Variants in EIF2B3 observed in about 807,000 individuals in gnomAD.
EIF2B3 encodes eukaryotic translation initiation factor 2B subunit gamma, also known as translation initiation factor eIF2B subunit gamma.
In EIF2B3, 20 loss-of-function variants were observed where a neutral mutation model predicts 54.1. That is an observed-to-expected ratio of 0.37 (90% CI 0.26 to 0.54). The LOEUF is 0.54. EIF2B3 is among the 20% of genes least tolerant of loss of function. The probability of loss-of-function intolerance (pLI) is 0.86; values close to 1 mark genes in which losing one functional copy is unlikely to be tolerated. For missense variants in EIF2B3, 448 were observed against 547.8 expected (o/e 0.82, Z 1.82); for synonymous variants, 153 against 188.1 (o/e 0.81, Z 1.52).
chr1:44,879,837 T>A lies in EIF2B3; in HGVS notation c.956A>T (p.Tyr319Phe). 6.2e-7 allele frequency: 1 copy of A among 1,614,056 alleles called. No individual in the cohort carries two copies. The highest frequency in any genetic ancestry group is 8.5e-7 in the Non-Finnish European group (1 of 1,180,034). The change falls in exon 8 of 12, where the codon TAC (tyrosine) becomes TTC (phenylalanine). Residue 319 changes from tyrosine (Y) to phenylalanine (F), a missense_variant. By Grantham distance (22) the Tyr-to-Phe change is conservative (BLOSUM62 3). Coordinates refer to ENST00000360403, the MANE Select transcript of EIF2B3 (RefSeq NM_020365.5). ...LCSRVSTLGL[Y>F]MEANRQVPKL... Reference sequence around the variant, plus strand: ...TCTCACCTGTCTGTTTGCTTCCATGTAGAGTCCCAGTGTGCTCACTCGAGA... The same window carrying A: ...TCTCACCTGTCTGTTTGCTTCCATGAAGAGTCCCAGTGTGCTCACTCGAGA...
chr1:44,898,210 T>C (rs1463613075), intron 5 of EIF2B3, among the ~76,000 whole-genome samples: 1 of 152,178 alleles, frequency 6.6e-6, no homozygotes, highest in African/African-American at 2.4e-5. Context: ...AACTTGCTAC[T>C]CTTATTTATT....
chr1:44,965,180 T>C (rs1191490044), intron 3 of EIF2B3, among the ~76,000 whole-genome samples: 1 of 152,212 alleles, frequency 6.6e-6, no homozygotes, highest in Non-Finnish European at 1.5e-5. Context: ...AAGCAATAGC[T>C]GCACACCTGC....
chr1:44,946,678 G>C (rs1644106409), intron 3 of EIF2B3, among the ~76,000 whole-genome samples: 1 of 149,748 alleles, frequency 6.7e-6, no homozygotes, highest in African/African-American at 2.5e-5. Context: ...GCCAGGGCTG[G>C]TCTCAAACTC....
intron 2 of EIF2B3, among the ~76,000 whole-genome samples, chr1:44,979,370 T>A (rs959056473): frequency 1.1e-4 from 15 of 142,760 alleles, no homozygotes; most frequent in Non-Finnish European, 1.5e-5. Flanking sequence ...AAAATACAAA[T>A]GGGAAGAAAT....
At chr1:44,871,331 C>A (rs1289247188) in intron 10 of EIF2B3, among the ~76,000 whole-genome samples, 1 of 152,210 alleles carries the variant, frequency 6.6e-6, no homozygotes, top group Non-Finnish European at 1.5e-5. Flanking sequence ...ATTTCAATGG[C>A]CTTCCTGCCT....
At chr1:44,945,452 G>A (rs1190687173) in intron 3 of EIF2B3, among the ~76,000 whole-genome samples, 2 of 151,800 alleles carry the variant, frequency 1.3e-5, no homozygotes, top group Admixed American at 1.3e-4. Context: ...TACTCGGGAG[G>A]CTGAGGCAGG....
At chr1:44,864,352 G>T (rs1654704499) in intron 10 of EIF2B3, among the ~76,000 whole-genome samples, 1 of 152,054 alleles carries the variant, frequency 6.6e-6, no homozygotes. Context: ...ATCACCTGTG[G>T]TCAGGAGTTC....
chr1:44,915,433 T>G (rs1643602470), intron 5 of EIF2B3, among the ~76,000 whole-genome samples: 2 of 152,058 alleles, frequency 1.3e-5, no homozygotes, highest in Non-Finnish European at 2.9e-5. Context: ...ATGATGAAAG[T>G]TCACTGCAGC....
At chr1:44,969,851 G>C (rs1427602481) in intron 3 of EIF2B3, 1 of 152,148 alleles carries the variant, frequency 6.6e-6, no homozygotes, top group Non-Finnish European at 1.5e-5. Context: ...TTTACTAAAT[G>C]AATGAGTTTA....
chr1:44,953,343 T>C (rs12740561), intron 3 of EIF2B3, among the ~76,000 whole-genome samples: 33,610 of 151,990 alleles, frequency 0.22, 4,049 homozygotes, highest in Admixed American at 0.32. Context: ...CTTCATATCA[T>C]AATTTCTCAA....
chr1:44,947,883 T>A (rs1310746125), intron 3 of EIF2B3, among the ~76,000 whole-genome samples: 1 of 152,096 alleles, frequency 6.6e-6, no homozygotes. Context: ...TTCTTTTCTT[T>A]TTTTTTAGAC....
intron 3 of EIF2B3, among the ~76,000 whole-genome samples, chr1:44,968,630 G>A (rs1292090236): frequency 6.6e-6 from 1 of 152,184 alleles, no homozygotes; most frequent in Non-Finnish European, 1.5e-5. Context: ...CCGGTGCAGT[G>A]GCTCACGCCT....
chr1:44,912,970 T>C (rs144021546), intron 5 of EIF2B3, among the ~76,000 whole-genome samples: 14 of 152,220 alleles, frequency 9.2e-5, no homozygotes, highest in African/African-American at 3.4e-4. Flanking sequence ...CTAGATACAT[T>C]GAACAAAACC....
intron 10 of EIF2B3, among the ~76,000 whole-genome samples, chr1:44,869,241 G>C (rs1005611658): frequency 6.6e-6 from 1 of 152,098 alleles, no homozygotes; most frequent in African/African-American, 2.4e-5. Flanking sequence ...ACTTTGGGAG[G>C]CTGAGACAGG....
chr1:44,981,213 AC>A (rs1360007766), intron 1 of EIF2B3, 36 bp from the exon 2 acceptor site: 20 of 1,610,714 alleles, frequency 1.2e-5, no homozygotes, highest in East Asian at 2.2e-5. Flanking sequence ...CAGAAAAAAA[AC>A]AATGTAACAA....
intron 5 of EIF2B3, among the ~76,000 whole-genome samples, chr1:44,899,897 T>G (rs1319072520): frequency 6.6e-6 from 1 of 152,140 alleles, no homozygotes; most frequent in African/African-American, 2.4e-5. Context: ...TTCATCACAG[T>G]ACTAGTCACA....
chr1:44,962,678 G>A (rs1362609429), intron 3 of EIF2B3, among the ~76,000 whole-genome samples: 3 of 152,164 alleles, frequency 2.0e-5, no homozygotes, highest in African/African-American at 7.2e-5. Flanking sequence ...GCCTCCCAAA[G>A]TGCTGGGATT....
At chr1:44,972,222 T>TA (rs902954781) in intron 3 of EIF2B3, among the ~76,000 whole-genome samples, 2 of 145,076 alleles carry the variant, frequency 1.4e-5, no homozygotes, top group African/African-American at 5.2e-5. Context: ...ACTCTGTCTC[T>TA]AAAAAAAAAT....
At chr1:44,944,594 G>C (rs2148944523) in intron 3 of EIF2B3, among the ~76,000 whole-genome samples, 1 of 151,912 alleles carries the variant, frequency 6.6e-6, no homozygotes, top group East Asian at 1.9e-4. Flanking sequence ...GGAGTTTGAG[G>C]CCAGCCTGAA....
Sources: allele counts gnomAD v4.1 joint callset (sites outside exome capture counted in the v4.1 genomes callset), GRCh38; gene constraint gnomAD v4.1.1; transcripts MANE v1.5; gene names NCBI Gene and HGNC (gene_info 2026-07-23, HGNC 2026-07-21).